The following ADAMTS12 variants were observed in gnomAD, a reference collection of about 807,000 sequenced individuals.
ADAMTS12 encodes the protein ADAM metallopeptidase with thrombospondin type 1 motif 12.
A neutral mutation model predicts 167.8 loss-of-function variants in ADAMTS12; 118 were observed. The observed-to-expected ratio is 0.70, with a 90% CI of 0.61 to 0.82. The LOEUF is 0.82. ADAMTS12 is among the 40% of genes least tolerant of loss of function. The probability of loss-of-function intolerance (pLI) is 0.00; values close to 1 mark genes in which losing one functional copy is unlikely to be tolerated. For missense variants in ADAMTS12, 1,916 were observed against 1,998.8 expected (o/e 0.96, Z 0.79); for synonymous variants, 704 against 716.9 (o/e 0.98, Z 0.29).
chr5:33,612,252 A>G (rs1738764881), intron 16 of ADAMTS12, among the ~76,000 whole-genome samples: 1 of 152,232 alleles, frequency 6.6e-6, no homozygotes, highest in African/African-American at 2.4e-5. Flanking sequence ...TAGTAATCAG[A>G]GTGACATTTA....
At chr5:33,773,797 A>G (rs1313353423) in intron 2 of ADAMTS12, among the ~76,000 whole-genome samples, 1 of 152,166 alleles carries the variant, frequency 6.6e-6, no homozygotes, top group Non-Finnish European at 1.5e-5. Context: ...TTTTGCATAC[A>G]TACATATGAC....
At chr5:33,791,281 T>C (rs1191580097) in intron 2 of ADAMTS12, among the ~76,000 whole-genome samples, 1 of 152,204 alleles carries the variant, frequency 6.6e-6, no homozygotes, top group Non-Finnish European at 1.5e-5. Context: ...ACTGGGAATT[T>C]TGAGATTCTC....
At chr5:33,815,027 C>T (rs1162069316) in intron 2 of ADAMTS12, among the ~76,000 whole-genome samples, 1 of 152,114 alleles carries the variant, frequency 6.6e-6, no homozygotes, top group Non-Finnish European at 1.5e-5. Context: ...AACTCAGGTG[C>T]TGGGCTTGTC....
At chr5:33,594,776 G>C (rs1747830987) in intron 17 of ADAMTS12, among the ~76,000 whole-genome samples, 1 of 152,136 alleles carries the variant, frequency 6.6e-6, no homozygotes. Flanking sequence ...CTCTCTCTCT[G>C]AGCTGAGAAT....
rs193042082 is a variant in ADAMTS12, at chr5:33,684,859, C to T, written c.635-804G>A. Among the ~76,000 whole-genome samples, 96 of 152,268 alleles carry T rather than the reference C, an allele frequency of 6.3e-4. 1 individual carries two copies. The highest frequency in any genetic ancestry group is 2.2e-3 in the African/African-American group (91 of 41,548). On this transcript the variant is annotated intron_variant, in intron 3 of 23. Coordinates refer to ENST00000504830, the MANE Select transcript of ADAMTS12 (RefSeq NM_030955.4). The stretch of plus-strand genomic sequence containing the variant: ...CTGCACGGAATCATTCTCAAAATCC[C>T]AGAATACTGTAAGTAGGGAGCATAT...
chr5:33,560,775 T>TG (rs1274513133), intron 20 of ADAMTS12, among the ~76,000 whole-genome samples: 56 of 34,802 alleles, frequency 1.6e-3, no homozygotes, highest in African/African-American at 5.1e-3. Context: ...TGTTGTGGGG[T>TG]GGGGGGAGGG....
In ADAMTS12 at chr5:33,682,930, C is replaced by T. The variant is rs528037163; in HGVS notation, c.915+88G>A. 139 of 1,073,014 alleles carry T rather than the reference C, an allele frequency of 1.3e-4. 2 individuals are homozygous for T. The South Asian group carries it at 1.5e-3, about 12-fold the overall frequency. The allele number at this position is 1,073,014 out of a possible 1,614,324, so 66.5% of individuals were successfully genotyped here. Reference sequence around the variant, plus strand: ...GCTTCCAAACACTTTCTGGTACCCTCTTTCTTGTCTACCAAGAACTCCCCT... The same window carrying T: ...GCTTCCAAACACTTTCTGGTACCCTTTTTCTTGTCTACCAAGAACTCCCCT... On this transcript the variant is annotated intron_variant, in intron 5 of 23. Coordinates refer to ENST00000504830, the MANE Select transcript of ADAMTS12 (RefSeq NM_030955.4).
intron 5 of ADAMTS12, among the ~76,000 whole-genome samples, chr5:33,666,133 C>T (rs1330533389): frequency 6.6e-6 from 1 of 152,154 alleles, no homozygotes; most frequent in East Asian, 1.9e-4. Flanking sequence ...TCAATAAAAC[C>T]CTTCATTCCT....
At chr5:33,660,478 C>T (rs1310545387) in intron 6 of ADAMTS12, among the ~76,000 whole-genome samples, 3 of 152,204 alleles carry the variant, frequency 2.0e-5, no homozygotes, top group African/African-American at 7.2e-5. Flanking sequence ...CCATATCAAA[C>T]ATTTCACACA....
intron 23 of ADAMTS12, among the ~76,000 whole-genome samples, chr5:33,527,710 C>T (rs1743891831): frequency 1.3e-5 from 2 of 152,190 alleles, no homozygotes; most frequent in Admixed American, 1.3e-4. Context: ...CTAGTAGACA[C>T]GATCTCTGCA....
At chr5:33,614,949 C>T (rs1738916414) in intron 15 of ADAMTS12, among the ~76,000 whole-genome samples, 1 of 152,234 alleles carries the variant, frequency 6.6e-6, no homozygotes, top group Non-Finnish European at 1.5e-5. Flanking sequence ...CCCTACCTCT[C>T]AGGCTACTCA....
intron 5 of ADAMTS12, among the ~76,000 whole-genome samples, chr5:33,681,530 T>C (rs1415532090): frequency 3.9e-5 from 6 of 152,200 alleles, no homozygotes; most frequent in Non-Finnish European, 8.8e-5. Flanking sequence ...TAAAGACACA[T>C]GGCTTCCGCC....
chr5:33,746,466 G>A (rs1005675945), intron 3 of ADAMTS12, among the ~76,000 whole-genome samples: 12 of 152,088 alleles, frequency 7.9e-5, no homozygotes, highest in African/African-American at 2.4e-4. Flanking sequence ...CACAATTTCC[G>A]AATGTCTTAA....
chr5:33,677,064 T>C (rs1741940139), intron 5 of ADAMTS12, among the ~76,000 whole-genome samples: 1 of 152,172 alleles, frequency 6.6e-6, no homozygotes, highest in South Asian at 2.1e-4. Flanking sequence ...CTCACTCTCA[T>C]TCCAGTTTTG....
intron 2 of ADAMTS12, among the ~76,000 whole-genome samples, chr5:33,861,283 C>A (rs1416149125): frequency 6.6e-6 from 1 of 152,046 alleles, no homozygotes; most frequent in East Asian, 1.9e-4. Context: ...TTCAGAAGAC[C>A]AATCTCACAT....
intron 11 of ADAMTS12, among the ~76,000 whole-genome samples, chr5:33,639,553 C>T (rs1031056395): frequency 6.6e-6 from 1 of 152,122 alleles, no homozygotes; most frequent in Non-Finnish European, 1.5e-5. Context: ...GAAGGCATGT[C>T]GAGCGAGCAG....
chr5:33,766,115 C>T (rs1745520783), intron 2 of ADAMTS12, among the ~76,000 whole-genome samples: 1 of 152,140 alleles, frequency 6.6e-6, no homozygotes. Context: ...TGGAACTTAA[C>T]TGCCCCCTGT....
chr5:33,647,723 T>G (rs926663435), intron 9 of ADAMTS12, among the ~76,000 whole-genome samples: 1 of 131,428 alleles, frequency 7.6e-6, no homozygotes, highest in African/African-American at 2.7e-5. Flanking sequence ...AGAGAAAGAC[T>G]CTGTCTCAAA....
intron 20 of ADAMTS12, among the ~76,000 whole-genome samples, chr5:33,552,381 T>C (rs868005686): frequency 1.2e-4 from 18 of 152,272 alleles, no homozygotes; most frequent in African/African-American, 2.6e-4. Flanking sequence ...CATTTCTCCA[T>C]TGGTATTCAA....
Sources: allele counts gnomAD v4.1 joint callset (sites outside exome capture counted in the v4.1 genomes callset), GRCh38; gene constraint gnomAD v4.1.1; transcripts MANE v1.5; gene names NCBI Gene and HGNC (gene_info 2026-07-23, HGNC 2026-07-21).